FOXO1: variants seen among roughly 807,000 people sequenced by gnomAD.
FOXO1 encodes forkhead box O1.
A neutral mutation model predicts 44.1 loss-of-function variants in FOXO1; 6 were observed. The observed-to-expected ratio is 0.14, with a 90% confidence interval of 0.07 to 0.27. The LOEUF (loss-of-function observed/expected upper bound fraction) is 0.27, where lower values mean the gene tolerates loss of function less well. Among genes scored for constraint, FOXO1 ranks in the 10% least tolerant of loss-of-function variants. FOXO1 has a pLI of 1.00. For synonymous variants in FOXO1, 380 were observed against 362.7 expected (o/e 1.05, Z -0.54); for missense variants, 737 against 888.8 (o/e 0.83, Z 2.17).
Position 40,560,574 on chromosome 13 carries a change from T to A in FOXO1, c.917A>T (p.Asp306Val). Residue 306 changes from aspartate (D) to valine (V), a missense_variant, in exon 2 of 3, where the codon GAC (aspartate) becomes GTC (valine). Physicochemically the swap from Asp to Val is radical, Grantham distance 152. This residue lies in a region of FOXO1 where 136 missense variants were observed against 186.4 expected (regional missense o/e 0.73). Transcript: ENST00000379561. This position sits in a 1 kb window ranked among gnomAD's most constrained non-coding sequence, Gnocchi z 5.1. Reference sequence around the variant, plus strand: ...GCGAAATGTACTCCAGTTATCAAAGTCATCATTGCTGTGAGAGCCAGGGCT... The same window carrying A: ...GCGAAATGTACTCCAGTTATCAAAGACATCATTGCTGTGAGAGCCAGGGCT... ...PASPGSHSND[D>V]FDNWSTFRPR... The A allele has an allele frequency of 1.2e-6, 2 of 1,614,172 alleles. No individual in the cohort carries two copies. Among genetic ancestry groups the A allele is most frequent in the African/African-American group, 2.7e-5 (2 of 75,044 alleles).
intron 1 of FOXO1, among the ~76,000 whole-genome samples, chr13:40,604,343 T>G (rs2137883099): frequency 6.6e-6 from 1 of 152,232 alleles, no homozygotes; most frequent in East Asian, 1.9e-4. Context: ...TACATATGAC[T>G]GAGTGCACTC....
At chr13:40,653,729 G>A (rs2137936541) in intron 1 of FOXO1, among the ~76,000 whole-genome samples, 1 of 152,166 alleles carries the variant, frequency 6.6e-6, no homozygotes, top group South Asian at 2.1e-4. Context: ...GGTTCACTTG[G>A]CTACTTTCAG....
chr13:40,649,801 G>A (rs569010468), intron 1 of FOXO1, among the ~76,000 whole-genome samples: 2 of 152,278 alleles, frequency 1.3e-5, no homozygotes, highest in African/African-American at 2.4e-5. Flanking sequence ...CATCTGTACT[G>A]ATATATTCCC....
intron 1 of FOXO1, among the ~76,000 whole-genome samples, chr13:40,662,508 T>G (rs981465813): frequency 1.2e-4 from 18 of 152,226 alleles, no homozygotes; most frequent in African/African-American, 4.1e-4. Context: ...GTGTGTGACC[T>G]TATAGCAATT....
intron 1 of FOXO1, among the ~76,000 whole-genome samples, chr13:40,624,139 T>C (rs1353655573): frequency 2.6e-5 from 4 of 151,234 alleles, no homozygotes; most frequent in African/African-American, 7.3e-5. Flanking sequence ...TCCTAATCTC[T>C]GGAGATAAAC....
chr13:40,585,607 C>T (rs1396154952), intron 1 of FOXO1, among the ~76,000 whole-genome samples: 3 of 152,160 alleles, frequency 2.0e-5, no homozygotes, highest in African/African-American at 7.2e-5. Flanking sequence ...TTCGTATTTG[C>T]CCTGAAGACA....
At chr13:40,606,649 AT>A (rs1049375496) in intron 1 of FOXO1, among the ~76,000 whole-genome samples, 3 of 151,976 alleles carry the variant, frequency 2.0e-5, no homozygotes, top group Admixed American at 2.0e-4. Flanking sequence ...ACAGCATGTT[AT>A]TTTCTATGGT....
At chr13:40,638,439 T>C (rs1455997452) in intron 1 of FOXO1, among the ~76,000 whole-genome samples, 1 of 152,120 alleles carries the variant, frequency 6.6e-6, no homozygotes, top group African/African-American at 2.4e-5. Context: ...TTCATTCCCA[T>C]TGTGTGTGAG....
intron 1 of FOXO1, among the ~76,000 whole-genome samples, chr13:40,600,879 T>C (rs1728477328): frequency 6.6e-6 from 1 of 152,182 alleles, no homozygotes; most frequent in Non-Finnish European, 1.5e-5. Context: ...TTCCTAATCA[T>C]CATAAATCTT....
chr13:40,594,126 C>G (rs1338549503), intron 1 of FOXO1, among the ~76,000 whole-genome samples: 1 of 152,116 alleles, frequency 6.6e-6, no homozygotes, highest in African/African-American at 2.4e-5. Flanking sequence ...ATATAATTAT[C>G]AAGTGAACAG....
chr13:40,607,052 C>A (rs769944895), intron 1 of FOXO1, among the ~76,000 whole-genome samples: 10 of 152,182 alleles, frequency 6.6e-5, no homozygotes, highest in Admixed American at 2.0e-4. Context: ...CCAGAAAGCT[C>A]TCTATAAGCC....
intron 1 of FOXO1, among the ~76,000 whole-genome samples, chr13:40,576,818 A>G (rs775080559): frequency 6.6e-6 from 1 of 152,244 alleles, no homozygotes; most frequent in Non-Finnish European, 1.5e-5. Context: ...GTCTCCCTCC[A>G]TGAAGCTGAC....
At chr13:40,565,218 A>C (rs1874220331) in intron 1 of FOXO1, among the ~76,000 whole-genome samples, 1 of 152,204 alleles carries the variant, frequency 6.6e-6, no homozygotes, top group South Asian at 2.1e-4. Flanking sequence ...CATTTACTGG[A>C]AACTATTTTG....
At chr13:40,628,020 T>C (rs890059533) in intron 1 of FOXO1, among the ~76,000 whole-genome samples, 1 of 152,090 alleles carries the variant, frequency 6.6e-6, no homozygotes, top group Non-Finnish European at 1.5e-5. Flanking sequence ...CACAAATCTA[T>C]GTACCTACAA....
chr13:40,648,706 C>T (rs1053630512), intron 1 of FOXO1, among the ~76,000 whole-genome samples: 1 of 152,136 alleles, frequency 6.6e-6, no homozygotes, highest in East Asian at 1.9e-4. Context: ...AATTCCCAGG[C>T]ATAGCCAAGC....
At chr13:40,662,559 A>G (rs532954248) in intron 1 of FOXO1, among the ~76,000 whole-genome samples, 80 of 152,248 alleles carry the variant, frequency 5.3e-4, no homozygotes, top group Non-Finnish European at 1.1e-3. Flanking sequence ...TTAACATACC[A>G]TCCCCACAAA....
In FOXO1 at chr13:40,560,037, G is replaced by C. The variant is rs760007713; in HGVS notation, c.1454C>G (p.Ala485Gly). 2 of 1,614,138 alleles carry C rather than the reference G, an allele frequency of 1.2e-6. No homozygotes were observed. Among genetic ancestry groups the C allele is most frequent in the Non-Finnish European group, 8.5e-7 (1 of 1,180,024 alleles). ...GCCCAGAACCCGGCTGTTGGGCTGG[G>C]CTACCCCAGGATCAACTGGTGTCAT... ...DIMTPVDPGV[A>G]QPNSRVLGQN... The change falls in exon 2 of 3, where the codon GCC (alanine) becomes GGC (glycine). Residue 485 changes from alanine (A) to glycine (G), a missense_variant. Around this residue, in one of 7 missense-constraint regions of FOXO1, gnomAD observed 283 missense variants for 278.1 expected, o/e 1.02. Transcript: ENST00000379561. This position sits in a 1 kb window ranked among gnomAD's most constrained non-coding sequence, Gnocchi z 5.1.
At chr13:40,651,411 A>T (rs1877683138) in intron 1 of FOXO1, among the ~76,000 whole-genome samples, 1 of 152,184 alleles carries the variant, frequency 6.6e-6, no homozygotes. Context: ...ACAGCAGGGA[A>T]AGTATCCACT....
chr13:40,587,486 C>T (rs1875213692), intron 1 of FOXO1, among the ~76,000 whole-genome samples: 2 of 152,194 alleles, frequency 1.3e-5, no homozygotes, highest in Non-Finnish European at 2.9e-5. Flanking sequence ...TTAATTTCAT[C>T]TCCTCTCCAA....
Sources: allele counts gnomAD v4.1 joint callset (sites outside exome capture counted in the v4.1 genomes callset), GRCh38; gene constraint gnomAD v4.1.1; regional missense constraint gnomAD v4.1.1; non-coding constraint Gnocchi (gnomAD v3.1); transcripts MANE v1.5; gene names NCBI Gene and HGNC (gene_info 2026-07-23, HGNC 2026-07-21).